Variants in HIP1 observed in about 807,000 individuals in gnomAD.
HIP1 encodes the protein huntingtin interacting protein 1.
HIP1 carries 65 observed loss-of-function variants against 147.6 expected under a neutral mutation model. The ratio of observed to expected loss-of-function variants is 0.44; its 90% confidence interval spans 0.36 to 0.54. The LOEUF is 0.54. HIP1 is among the 20% of genes least tolerant of loss of function. The pLI is 0.00. For synonymous variants in HIP1, 479 were observed against 504.0 expected (o/e 0.95, Z 0.67); for missense variants, 1,061 against 1,299.6 (o/e 0.82, Z 2.82).
chr7:75,559,672 C>A (rs1331099689), intron 14 of HIP1, 60 bp downstream of exon 14: 17 of 1,364,036 alleles, frequency 1.2e-5, no homozygotes, highest in Non-Finnish European at 1.7e-5. Context: ...CTGAGTCCAG[C>A]TGGGCTCTGC....
At chr7:75,726,673 G>T (rs1362928604) in intron 1 of HIP1, among the ~76,000 whole-genome samples, 1 of 150,774 alleles carries the variant, frequency 6.6e-6, no homozygotes, top group African/African-American at 2.4e-5. Context: ...ATCCTGATGG[G>T]CATGTAGAGG....
At chr7:75,692,342 T>C in intron 1 of HIP1, among the ~76,000 whole-genome samples, 1 of 151,934 alleles carries the variant, frequency 6.6e-6, no homozygotes, top group East Asian at 1.9e-4. Flanking sequence ...TACTGCAGCT[T>C]CCAACTCCTG....
chr7:75,547,942 C>T, intron 23 of HIP1, 129 bp from the exon 24 acceptor site: 2 of 808,334 alleles, frequency 2.5e-6, no homozygotes, highest in Non-Finnish European at 4.3e-6. Context: ...CAAGTCCCTG[C>T]CCACATTCTT....
intron 28 of HIP1, 28 bp from the exon 29 acceptor site, chr7:75,542,008 A>C: frequency 1.3e-6 from 2 of 1,599,410 alleles, no homozygotes; most frequent in Non-Finnish European, 1.7e-6. Flanking sequence ...AGAAGGTCTC[A>C]TCAAATTCTA....
chr7:75,726,411 G>A (rs558328954), intron 1 of HIP1, among the ~76,000 whole-genome samples: 177 of 152,122 alleles, frequency 1.2e-3, no homozygotes, highest in African/African-American at 4.2e-3. Flanking sequence ...AGATTCCAGA[G>A]TAGCTGGGAC....
intron 22 of HIP1, among the ~76,000 whole-genome samples, chr7:75,550,895 T>G (rs1488635613): frequency 6.6e-6 from 1 of 152,142 alleles, no homozygotes; most frequent in Non-Finnish European, 1.5e-5. Flanking sequence ...GTATATACTC[T>G]AGAGAAACTG....
At chr7:75,553,935 G>A (rs1288824972) in intron 21 of HIP1, among the ~76,000 whole-genome samples, 178 bp downstream of exon 21, 3 of 152,126 alleles carry the variant, frequency 2.0e-5, no homozygotes, top group Non-Finnish European at 1.5e-5. Flanking sequence ...AGTAGAGATG[G>A]GGTTTTGCCA....
chr7:75,724,340 C>T (rs62477607), intron 1 of HIP1, among the ~76,000 whole-genome samples: 15,845 of 151,958 alleles, frequency 0.1, 987 homozygotes, highest in Middle Eastern at 0.16. Context: ...CTCTGCCTCC[C>T]GGGTTCAAGC....
chr7:75,549,856 A>G (rs1261533997), intron 22 of HIP1, among the ~76,000 whole-genome samples: 1 of 137,088 alleles, frequency 7.3e-6, no homozygotes, highest in African/African-American at 2.7e-5. Context: ...TTTTTTTTTT[A>G]ATAGAGATGG....
At chr7:75,581,327 C>A in intron 6 of HIP1, 29 bp from the exon 7 acceptor site, 3 of 1,583,038 alleles carry the variant, frequency 1.9e-6, no homozygotes, top group Non-Finnish European at 2.6e-6. Context: ...AGAGCTTACA[C>A]TCCACAGCCT....
At chr7:75,687,315 T>C (rs1800294456) in intron 1 of HIP1, among the ~76,000 whole-genome samples, 2 of 152,184 alleles carry the variant, frequency 1.3e-5, no homozygotes, top group Non-Finnish European at 2.9e-5. Flanking sequence ...CTGAACTTTT[T>C]ACAATAACTT....
At chr7:75,581,085 C>T (rs1277088166) in intron 7 of HIP1, 152 bp downstream of exon 7, 10 of 622,272 alleles carry the variant, frequency 1.6e-5, no homozygotes, top group Non-Finnish European at 2.9e-5. Flanking sequence ...GAGGTTCAGT[C>T]CCTCCCTGCA....
At position 75,544,906 on chromosome 7, in the gene HIP1, G is replaced by A; in HGVS notation, c.2661-106C>T. ...ATCGCCCTTGGCTAAACAGGGAGGGGAGGCTGCCTGCCCTGTGTCCCCTGG... is the reference window on the plus strand; with the variant it reads ...ATCGCCCTTGGCTAAACAGGGAGGGAAGGCTGCCTGCCCTGTGTCCCCTGG... On this transcript the variant is annotated intron_variant, in intron 26 of 30. Transcript: ENST00000336926. 6.2e-6 allele frequency: 5 copies of A among 808,372 alleles called. No individual in the cohort carries two copies. In the Admixed American group the frequency reaches 1.1e-4, roughly 17 times the overall value. The allele number at this position is 808,372 out of a possible 1,614,324, so 50.1% of individuals were successfully genotyped here.
intron 1 of HIP1, among the ~76,000 whole-genome samples, chr7:75,673,736 G>A (rs1799797141): frequency 6.6e-6 from 1 of 150,964 alleles, no homozygotes; most frequent in Admixed American, 6.6e-5. Flanking sequence ...TGTAGTTCCA[G>A]CACTTTGGGA....
At chr7:75,707,728 T>C (rs1189315050) in intron 1 of HIP1, among the ~76,000 whole-genome samples, 19 of 141,090 alleles carry the variant, frequency 1.3e-4, no homozygotes, top group Non-Finnish European at 1.8e-4. Context: ...ACCAAAACAG[T>C]ATGGTACTGG....
intron 1 of HIP1, among the ~76,000 whole-genome samples, chr7:75,701,002 G>A (rs1265608111): frequency 1.3e-5 from 2 of 152,134 alleles, no homozygotes; most frequent in Non-Finnish European, 2.9e-5. Context: ...ACCACACCCG[G>A]CCCCTGACCC....
Position 75,592,386 on chromosome 7 carries a change from C to T in HIP1, c.313G>A (p.Asp105Asn). ...FCHVFHKLLR[D>N]GHPNVLKDSL... Reference sequence around the variant, plus strand: ...CAGGAACTCACGTTCGGGTGTCCATCTCGGAGGAGTTTGTGGAACACATGG... The same window carrying T: ...CAGGAACTCACGTTCGGGTGTCCATTTCGGAGGAGTTTGTGGAACACATGG... Residue 105 changes from aspartate to asparagine, a missense_variant, in exon 3 of 31, where the codon GAT (aspartate) becomes AAT (asparagine). Asp to Asn is a conservative substitution (Grantham distance 23). Around this residue, in one of 3 missense-constraint regions of HIP1, gnomAD observed 225 missense variants for 292.9 expected, o/e 0.77. Transcript: ENST00000336926. 1 of 1,608,636 alleles carries T rather than the reference C, an allele frequency of 6.2e-7. No individual in the cohort carries two copies. The highest frequency in any genetic ancestry group is 8.5e-7 in the Non-Finnish European group (1 of 1,178,428).
intron 1 of HIP1, among the ~76,000 whole-genome samples, chr7:75,677,823 C>T (rs1554516275): frequency 6.6e-6 from 1 of 151,816 alleles, no homozygotes. Flanking sequence ...GTTTCCTCTG[C>T]CTGAAAACAA....
chr7:75,684,673 G>C (rs961518498), intron 1 of HIP1, among the ~76,000 whole-genome samples: 24 of 152,048 alleles, frequency 1.6e-4, no homozygotes, highest in African/African-American at 5.8e-4. Context: ...TGAACACTTA[G>C]GTTGCTTTTG....
Sources: gnomAD v4.1 joint callset for allele counts (sites outside exome capture counted in the v4.1 genomes callset) on GRCh38, gnomAD v4.1.1 for gene constraint, gnomAD v4.1.1 regional missense constraint, MANE v1.5 for transcripts, NCBI Gene and HGNC (gene_info 2026-07-23, HGNC 2026-07-21) for gene names.